PTPRT: variants seen among roughly 807,000 people sequenced by gnomAD.
The protein encoded by PTPRT is protein tyrosine phosphatase receptor type T.
In PTPRT, 56 loss-of-function variants were observed where a neutral mutation model predicts 176.8. The observed-to-expected ratio is 0.32, with a 90% confidence interval of 0.26 to 0.40. PTPRT has a LOEUF of 0.40. Ranked by LOEUF, PTPRT falls within the 10% of genes least tolerant of loss-of-function variation. The probability of loss-of-function intolerance (pLI) is 1.00; values close to 1 mark genes in which losing one functional copy is unlikely to be tolerated. For missense variants in PTPRT, 1,540 were observed against 1,908.2 expected, an observed-to-expected ratio of 0.81 and a Z score of 3.60; for synonymous variants, 783 against 739.0, an observed-to-expected ratio of 1.06 and a Z score of -0.96.
At position 42,652,422 on chromosome 20, in the gene PTPRT, A is replaced by C. The variant is rs147961358; in HGVS notation, c.1153+25444T>G. Among the ~76,000 whole-genome samples the C allele has an allele frequency of 1.7e-3, 254 of 152,220 alleles. 5 individuals carry two copies. Among genetic ancestry groups the C allele is most frequent in the Admixed American group, 0.012 (180 of 15,290 alleles). ...GATCACTACCCTGAGGAATGTGCTG[A>C]GGGATGGTGCACGAAGCAGGGTGTT... On this transcript the variant is annotated intron_variant, in intron 7 of 30. Transcript: ENST00000373187.
At chr20:43,041,073 G>A (rs990301261) in intron 1 of PTPRT, among the ~76,000 whole-genome samples, 8 of 152,154 alleles carry the variant, frequency 5.3e-5, no homozygotes, top group Admixed American at 5.2e-4. Context: ...AGCAATCTGT[G>A]GTTTAACAAG....
intron 6 of PTPRT, among the ~76,000 whole-genome samples, chr20:42,746,853 A>T (rs1308302163): frequency 3.3e-5 from 5 of 152,136 alleles, no homozygotes; most frequent in Admixed American, 2.6e-4. Context: ...TCCAGACCTA[A>T]GTTGGAGCAT....
intron 2 of PTPRT, among the ~76,000 whole-genome samples, chr20:42,812,638 T>A (rs955489215): frequency 1.1e-4 from 16 of 152,120 alleles, no homozygotes; most frequent in Admixed American, 3.9e-4. Context: ...ATTTTTTTTT[T>A]ATCCAGAGGC....
chr20:42,910,787 G>GT (rs1461127832), intron 1 of PTPRT, among the ~76,000 whole-genome samples: 31 of 152,294 alleles, frequency 2.0e-4, no homozygotes, highest in Non-Finnish European at 3.8e-4. Flanking sequence ...GTATTAGTCT[G>GT]TTTTTATACT....
At chr20:42,177,125 A>C (rs1293284702) in intron 16 of PTPRT, among the ~76,000 whole-genome samples, 2 of 152,316 alleles carry the variant, frequency 1.3e-5, no homozygotes, top group African/African-American at 2.4e-5. Flanking sequence ...ATGCTTCTCA[A>C]GGTGTAATGT....
chr20:42,450,853 C>T (rs577252820), intron 8 of PTPRT, among the ~76,000 whole-genome samples: 11 of 152,160 alleles, frequency 7.2e-5, no homozygotes, highest in Admixed American at 3.9e-4. Flanking sequence ...AGACATTAAG[C>T]GATTATACTC....
intron 2 of PTPRT, among the ~76,000 whole-genome samples, chr20:42,867,683 C>CTTTTTT: frequency 8.8e-6 from 1 of 113,404 alleles, no homozygotes; most frequent in Non-Finnish European, 1.7e-5. Context: ...TACATATGGC[C>CTTTTTT]TTTTTTTTTT....
chr20:42,228,716 C>A (rs1371163493), intron 15 of PTPRT, among the ~76,000 whole-genome samples: 4 of 152,202 alleles, frequency 2.6e-5, no homozygotes, highest in Non-Finnish European at 5.9e-5. Context: ...ATCAACTCCA[C>A]ACATATAACC....
the PTPRT span, among the ~76,000 whole-genome samples, chr20:42,044,774 C>T: frequency 6.6e-6 from 1 of 152,170 alleles, no homozygotes; most frequent in Non-Finnish European, 1.5e-5. Flanking sequence ...AACTTGGTGA[C>T]TTAAAGCAAC....
At position 42,924,808 on chromosome 20, in the gene PTPRT, A is replaced by T. The variant is rs575499383; in HGVS notation, c.89-38876T>A. Among the ~76,000 whole-genome samples, 113 of 152,326 alleles carry T rather than the reference A, an allele frequency of 7.4e-4. 1 individual carries two copies. The highest frequency in any genetic ancestry group is 2.6e-3 in the African/African-American group (109 of 41,580). ...GTCAGCTGGATTCACAAATCTGTGT[A>T]CTTAGGGCCTCATCTGTGGTTCCCA... is the stretch of plus-strand genomic sequence containing the variant. On this transcript the variant is annotated intron_variant, in intron 1 of 30. Coordinates refer to ENST00000373187, the MANE Select transcript of PTPRT (RefSeq NM_007050.6).
rs562831215 is a variant in PTPRT, at chr20:42,595,768, C to T, written c.1153+82098G>A. Among the ~76,000 whole-genome samples the T allele has an allele frequency of 5.3e-5, 8 of 152,232 alleles. No homozygotes were observed. In the South Asian group the frequency reaches 6.2e-4, roughly 12 times the overall value. On this transcript the variant is annotated intron_variant, in intron 7 of 30. Transcript: ENST00000373187. ...TCTCCTCTTGCCAGGAATTTCAGTG[C>T]GACATTGAACATGTCACTGGAGTTT...
chr20:42,415,510 C>T (rs985702231), intron 9 of PTPRT, among the ~76,000 whole-genome samples: 2 of 152,094 alleles, frequency 1.3e-5, no homozygotes, highest in Non-Finnish European at 1.5e-5. Flanking sequence ...CCATGTCTAG[C>T]CCAGTTGCTC....
intron 1 of PTPRT, among the ~76,000 whole-genome samples, chr20:42,906,712 G>A (rs1006751774): frequency 1.3e-5 from 2 of 152,158 alleles, no homozygotes; most frequent in African/African-American, 4.8e-5. Context: ...GAAGAAGTGA[G>A]CCACACCCCC....
intron 9 of PTPRT, among the ~76,000 whole-genome samples, chr20:42,413,196 C>G (rs930804421): frequency 1.3e-5 from 2 of 152,000 alleles, no homozygotes; most frequent in African/African-American, 4.8e-5. Context: ...CACAAATGAA[C>G]AAATTTGACT....
chr20:42,842,481 A>T (rs114549627), intron 2 of PTPRT, among the ~76,000 whole-genome samples: 2,336 of 152,182 alleles, frequency 0.015, 53 homozygotes, highest in African/African-American at 0.05. Context: ...GAGCATTGGC[A>T]CAATCTCAGC....
At chr20:42,684,179 C>G (rs544817967) in intron 6 of PTPRT, among the ~76,000 whole-genome samples, 1 of 151,934 alleles carries the variant, frequency 6.6e-6, no homozygotes, top group Non-Finnish European at 1.5e-5. Context: ...ATGGTGAAAC[C>G]CTGTCTCTAC....
intron 27 of PTPRT, among the ~76,000 whole-genome samples, chr20:42,096,756 A>AATTTTT (rs1555862037): frequency 7.1e-4 from 84 of 118,856 alleles, no homozygotes; most frequent in Non-Finnish European, 9.6e-4. Flanking sequence ...GCTAATTAAA[A>AATTTTT]TTTTTTTTTT....
At chr20:42,090,335 G>A (rs1392264596) in intron 27 of PTPRT, among the ~76,000 whole-genome samples, 1 of 151,034 alleles carries the variant, frequency 6.6e-6, no homozygotes, top group Non-Finnish European at 1.5e-5. Flanking sequence ...GCCAGCTTGG[G>A]GTAGCTGTGA....
intron 7 of PTPRT, among the ~76,000 whole-genome samples, chr20:42,670,328 A>C (rs949194150): frequency 6.6e-6 from 1 of 152,194 alleles, no homozygotes; most frequent in Non-Finnish European, 1.5e-5. Context: ...GATGGAAGAA[A>C]ATAAATTGAG....
Sources: allele counts gnomAD v4.1 joint callset (sites outside exome capture counted in the v4.1 genomes callset), GRCh38; gene constraint gnomAD v4.1.1; transcripts MANE v1.5; gene names NCBI Gene and HGNC (gene_info 2026-07-23, HGNC 2026-07-21).